Variants in SH3PXD2B observed in about 807,000 individuals in gnomAD.
SH3PXD2B encodes SH3 and PX domains 2B.
A neutral mutation model predicts 73.1 loss-of-function variants in SH3PXD2B; 37 were observed. The ratio of observed to expected loss-of-function variants is 0.51; its 90% CI spans 0.39 to 0.67. SH3PXD2B has a LOEUF of 0.67. Among genes scored for constraint, SH3PXD2B ranks in the 30% least tolerant of loss-of-function variants. The probability of loss-of-function intolerance (pLI) is 0.00; values close to 1 mark genes in which losing one functional copy is unlikely to be tolerated. For synonymous variants in SH3PXD2B, 457 were observed against 480.5 expected, an observed-to-expected ratio of 0.95 and a Z score of 0.64; for missense variants, 1,053 against 1,197.8, an observed-to-expected ratio of 0.88 and a Z score of 1.78.
rs1016081556 is a variant in SH3PXD2B, at chr5:172,334,211, C to G, written c.*4158G>C. 4.6e-6 allele frequency: 5 copies of G among 1,094,998 alleles called. No individual in the cohort carries two copies. The highest frequency in any genetic ancestry group is 5.6e-6 in the Non-Finnish European group (5 of 899,080). The allele number at this position is 1,094,998 out of a possible 1,614,324, so 67.8% of individuals were successfully genotyped here. On this transcript the variant is annotated 3_prime_UTR_variant, in exon 13 of 13. Transcript: ENST00000311601. ...AATAGCACCAGAAACCAGATGCCAC[C>G]CCACGGAGCTGGGCAGTCCAGTCTG...
chr5:172,341,942 T>A (rs1358803530), intron 12 of SH3PXD2B, among the ~76,000 whole-genome samples: 2 of 151,746 alleles, frequency 1.3e-5, no homozygotes, highest in Non-Finnish European at 2.9e-5. Context: ...TAGGCATGAG[T>A]CACCGTGCCC....
chr5:172,436,851 A>G (rs1457039435), intron 1 of SH3PXD2B, among the ~76,000 whole-genome samples: 3 of 152,188 alleles, frequency 2.0e-5, no homozygotes, highest in South Asian at 2.1e-4. Context: ...CTCGAGGAGT[A>G]GTGCTGGCTT....
chr5:172,348,654 C>CTATCCTAT (rs1440672001), intron 10 of SH3PXD2B, among the ~76,000 whole-genome samples: 621 of 60,308 alleles, frequency 0.01, 4 homozygotes, highest in African/African-American at 0.037. Flanking sequence ...ATCTATCTAT[C>CTATCCTAT]CTATCTATCT....
intron 1 of SH3PXD2B, among the ~76,000 whole-genome samples, chr5:172,440,271 G>C (rs1436277202): frequency 2.0e-5 from 3 of 152,214 alleles, no homozygotes; most frequent in Admixed American, 6.5e-5. Context: ...AGATGGCAAA[G>C]TAGCAATCCT....
At chr5:172,396,271 A>G (rs2043285) in intron 3 of SH3PXD2B, among the ~76,000 whole-genome samples, 134,899 of 150,436 alleles carry the variant, frequency 0.9, 60,607 homozygotes, top group African/African-American at 0.95. Flanking sequence ...CTACTCAGGA[A>G]GCTAAGGCAG....
At chr5:172,437,238 A>G (rs910549271) in intron 1 of SH3PXD2B, among the ~76,000 whole-genome samples, 1 of 151,846 alleles carries the variant, frequency 6.6e-6, no homozygotes, top group African/African-American at 2.4e-5. Context: ...GGGAAACCCG[A>G]CTCTGCCACG....
In SH3PXD2B at chr5:172,432,932, G is replaced by C. The variant is rs75224050; in HGVS notation, c.76-10436C>G. 1.7e-4 allele frequency among the ~76,000 whole-genome samples: 7 copies of C among 40,552 alleles called. 1 individual carries two copies. Among genetic ancestry groups the C allele is most frequent in the East Asian group, 2.8e-3 (1 of 362 alleles). The allele number at this position is 40,552 out of a possible 152,430, so 26.6% of individuals were successfully genotyped here. A position where few individuals can be genotyped will look rare whatever the true frequency, so the allele number is the denominator to read the frequency against. ...GTCTGTCTCAAAAAAAAAAGGGGGG[G>C]GGGGGGGAAGAATTGACTGTACCAT... is the stretch of plus-strand genomic sequence containing the variant. On this transcript the variant is annotated intron_variant, in intron 1 of 12. Transcript: ENST00000311601.
At chr5:172,360,137 T>A (rs2113314978) in intron 7 of SH3PXD2B, among the ~76,000 whole-genome samples, 1 of 152,330 alleles carries the variant, frequency 6.6e-6, no homozygotes, top group Admixed American at 6.5e-5. Context: ...CCGGGCGTGG[T>A]GGCTCATGCA....
chr5:172,419,120 G>GCGGTGACC (rs1758892320), intron 2 of SH3PXD2B, among the ~76,000 whole-genome samples: 1 of 152,124 alleles, frequency 6.6e-6, no homozygotes, highest in Admixed American at 6.5e-5. Context: ...GAAACATACA[G>GCGGTGACC]CGGTGACCCC....
At chr5:172,395,748 G>A (rs1459339999) in intron 3 of SH3PXD2B, among the ~76,000 whole-genome samples, 1 of 151,508 alleles carries the variant, frequency 6.6e-6, no homozygotes, top group Non-Finnish European at 1.5e-5. Context: ...TCAGAAATAA[G>A]ATACAAAGGA....
intron 1 of SH3PXD2B, among the ~76,000 whole-genome samples, chr5:172,448,045 C>T (rs771277713): frequency 2.6e-5 from 4 of 152,212 alleles, no homozygotes; most frequent in East Asian, 3.8e-4. Context: ...AAGCAATAGT[C>T]GTTAAAGAAA....
At chr5:172,329,084 T>TATATA (rs1554133356), downstream of SH3PXD2B, among the ~76,000 whole-genome samples, 1 of 53,354 alleles carries the variant, frequency 1.9e-5, no homozygotes, top group East Asian at 5.2e-4. Context: ...TATATATATA[T>TATATA]TTTTTTTTTT....
At chr5:172,424,294 A>G (rs1486432617) in intron 1 of SH3PXD2B, among the ~76,000 whole-genome samples, 1 of 151,980 alleles carries the variant, frequency 6.6e-6, no homozygotes, top group Non-Finnish European at 1.5e-5. Context: ...TGAAGCCTGG[A>G]GCCACCACAG....
At chr5:172,350,213 A>AC (rs1290506867) in intron 10 of SH3PXD2B, 150 bp downstream of exon 10, 6 of 690,348 alleles carry the variant, frequency 8.7e-6, no homozygotes, top group Admixed American at 2.9e-5. Flanking sequence ...GGAATAAGTT[A>AC]CCCGGGGTTT....
chr5:172,346,349 C>T (rs1223073238), intron 11 of SH3PXD2B, 88 bp from the exon 12 acceptor site: 1 of 1,595,586 alleles, frequency 6.3e-7, no homozygotes, highest in South Asian at 1.1e-5. Context: ...CTGGGGCATG[C>T]AATCACCCTT....
At chr5:172,346,788 A>G (rs1757007413) in intron 11 of SH3PXD2B, among the ~76,000 whole-genome samples, 1 of 152,150 alleles carries the variant, frequency 6.6e-6, no homozygotes. Context: ...AAAAAAATAC[A>G]ACCCCAAAAG....
chr5:172,326,525 A>G (rs1756449914), intron 12 of SH3PXD2B, among the ~76,000 whole-genome samples: 2 of 152,224 alleles, frequency 1.3e-5, no homozygotes, highest in Admixed American at 1.3e-4. Flanking sequence ...ATTCAGCCAC[A>G]GAACAGCTTT....
intron 4 of SH3PXD2B, among the ~76,000 whole-genome samples, chr5:172,388,491 G>A (rs1009933967): frequency 6.6e-6 from 1 of 152,174 alleles, no homozygotes; most frequent in African/African-American, 2.4e-5. Context: ...AATAGCAGGG[G>A]GTAGTAACTT....
intron 6 of SH3PXD2B, among the ~76,000 whole-genome samples, chr5:172,371,839 A>G (rs754751671): frequency 1.3e-5 from 2 of 152,164 alleles, no homozygotes; most frequent in Non-Finnish European, 2.9e-5. Context: ...TCGAAACCAG[A>G]AACTCTGCCA....
Sources: allele counts gnomAD v4.1 joint callset (sites outside exome capture counted in the v4.1 genomes callset), GRCh38; gene constraint gnomAD v4.1.1; transcripts MANE v1.5; gene names NCBI Gene and HGNC (gene_info 2026-07-23, HGNC 2026-07-21).